The following SDK1 variants were observed in gnomAD, a reference collection of about 807,000 sequenced individuals.
SDK1 encodes the protein sidekick cell adhesion molecule 1.
In SDK1, 157 loss-of-function variants were observed where a neutral mutation model predicts 245.5. The observed-to-expected ratio is 0.64, with a 90% confidence interval of 0.56 to 0.73. The LOEUF is 0.73. Ranked by LOEUF, SDK1 falls within the 30% of genes least tolerant of loss-of-function variation. The probability of loss-of-function intolerance (pLI) is 0.00; values close to 1 mark genes in which losing one functional copy is unlikely to be tolerated. For synonymous variants in SDK1, 1,647 were observed against 1,278.5 expected (o/e 1.29, Z -6.15); for missense variants, 3,583 against 3,002.3 (o/e 1.19, Z -4.52).
At chr7:3,470,371 C>G (rs116406167) in intron 1 of SDK1, among the ~76,000 whole-genome samples, 1 of 152,116 alleles carries the variant, frequency 6.6e-6, no homozygotes, top group African/African-American at 2.4e-5. Flanking sequence ...ACGTGTACAA[C>G]TATTTAAAGA....
intron 4 of SDK1, among the ~76,000 whole-genome samples, chr7:3,785,637 C>T (rs1044667635): frequency 6.6e-6 from 1 of 151,992 alleles, no homozygotes; most frequent in African/African-American, 2.4e-5. Context: ...TAACTGTCTA[C>T]TGGATGGAAA....
intron 1 of SDK1, among the ~76,000 whole-genome samples, chr7:3,314,666 T>C (rs747873069): frequency 7.9e-5 from 12 of 152,230 alleles, no homozygotes; most frequent in Admixed American, 2.0e-4. Context: ...GCCATCTGCA[T>C]CTCTAACTTT....
intron 44 of SDK1, among the ~76,000 whole-genome samples, chr7:4,264,578 GAGT>G (rs1214197505): frequency 1.3e-4 from 17 of 130,610 alleles, no homozygotes; most frequent in African/African-American, 4.6e-4. Context: ...GACCTCTCCT[GAGT>G]GGGGAGGCCG....
At chr7:4,003,679 G>A (rs1200455225) in intron 14 of SDK1, among the ~76,000 whole-genome samples, 1 of 152,248 alleles carries the variant, frequency 6.6e-6, no homozygotes, top group African/African-American at 2.4e-5. Context: ...CATCACTGCT[G>A]ATGCTTGCTA....
In SDK1 at chr7:3,346,666, CTT is replaced by C. The variant is rs11311845; in HGVS notation, c.298+44794_298+44795del. The stretch of plus-strand genomic sequence containing the variant: ...CCCCCACACCTGGCTAATTTAGTTT[CTT>C]TTTTTTTTTTTGGTGTGTGTGTGTA... On this transcript the variant is annotated intron_variant, in intron 1 of 44. Transcript: ENST00000404826. 2.7e-3 allele frequency among the ~76,000 whole-genome samples: 335 copies of C among 123,774 alleles called. 4 individuals carry two copies. The highest frequency in any genetic ancestry group is 8.1e-3 in the African/African-American group (264 of 32,608). 81.2% of individuals were successfully genotyped at this position (123,774 alleles called of 152,430 possible).
intron 4 of SDK1, among the ~76,000 whole-genome samples, chr7:3,679,101 T>A (rs1332390025): frequency 1.3e-5 from 2 of 152,130 alleles, no homozygotes; most frequent in African/African-American, 4.8e-5. Flanking sequence ...CAAAATAAAT[T>A]GAATTTGATC....
intron 4 of SDK1, among the ~76,000 whole-genome samples, chr7:3,732,750 C>G (rs1164259476): frequency 1.3e-5 from 2 of 152,202 alleles, no homozygotes; most frequent in Non-Finnish European, 2.9e-5. Context: ...AACTTTAATT[C>G]AAGATGCCAT....
intron 1 of SDK1, among the ~76,000 whole-genome samples, chr7:3,505,445 C>T (rs936533907): frequency 1.3e-5 from 2 of 152,116 alleles, no homozygotes. Flanking sequence ...GGGATGGGGT[C>T]TCACTCTGTT....
At chr7:3,921,168 C>T (rs1397782956) in intron 5 of SDK1, among the ~76,000 whole-genome samples, 1 of 152,144 alleles carries the variant, frequency 6.6e-6, no homozygotes, top group Admixed American at 6.5e-5. Flanking sequence ...AGACATGTGG[C>T]TATGAACATT....
intron 4 of SDK1, among the ~76,000 whole-genome samples, chr7:3,783,121 A>T (rs1468328504): frequency 1.3e-5 from 2 of 152,262 alleles, no homozygotes; most frequent in Non-Finnish European, 2.9e-5. Context: ...GACAAAAGCC[A>T]TGTGCTCATT....
chr7:4,207,732 C>T (rs775882115), intron 36 of SDK1, among the ~76,000 whole-genome samples: 9 of 152,244 alleles, frequency 5.9e-5, no homozygotes, highest in Admixed American at 3.3e-4. Context: ...AAAATCAAAA[C>T]ACCAACAGAG....
intron 1 of SDK1, among the ~76,000 whole-genome samples, chr7:3,544,777 G>GC (rs1332245705): frequency 6.6e-6 from 1 of 152,152 alleles, no homozygotes; most frequent in Non-Finnish European, 1.5e-5. Context: ...AATCTCAGTG[G>GC]CTTAAAGCAA....
chr7:4,085,523 C>T (rs1411050195), intron 22 of SDK1, among the ~76,000 whole-genome samples: 1 of 152,058 alleles, frequency 6.6e-6, no homozygotes, highest in Non-Finnish European at 1.5e-5. Context: ...CAATTTTTAG[C>T]ACTGACTTTC....
intron 4 of SDK1, among the ~76,000 whole-genome samples, chr7:3,707,093 G>C (rs1465822954): frequency 6.6e-6 from 1 of 151,972 alleles, no homozygotes; most frequent in Non-Finnish European, 1.5e-5. Context: ...TCTTCTGCTA[G>C]CTTTGGGTTT....
chr7:3,850,237 A>G (rs1469406301), intron 5 of SDK1, among the ~76,000 whole-genome samples: 2 of 152,230 alleles, frequency 1.3e-5, no homozygotes, highest in East Asian at 1.9e-4. Flanking sequence ...TCTTCTCTGC[A>G]TCCAATCCTC....
intron 5 of SDK1, among the ~76,000 whole-genome samples, chr7:3,895,624 C>A (rs1158243722): frequency 6.7e-6 from 1 of 148,872 alleles, no homozygotes; most frequent in African/African-American, 2.5e-5. Flanking sequence ...ACTCCGCTGT[C>A]CTGAGGCTTC....
intron 25 of SDK1, among the ~76,000 whole-genome samples, chr7:4,123,358 G>A (rs1784188631): frequency 6.6e-6 from 1 of 151,926 alleles, no homozygotes; most frequent in African/African-American, 2.4e-5. Flanking sequence ...GCCCCCTTTA[G>A]CTCATAGTTG....
At chr7:3,944,533 G>A (rs1409740741) in intron 5 of SDK1, among the ~76,000 whole-genome samples, 1 of 152,140 alleles carries the variant, frequency 6.6e-6, no homozygotes, top group Non-Finnish European at 1.5e-5. Context: ...TTTGATGAGT[G>A]TTTATTATAT....
chr7:3,497,459 A>G (rs966027804), intron 1 of SDK1, among the ~76,000 whole-genome samples: 13 of 152,294 alleles, frequency 8.5e-5, no homozygotes, highest in East Asian at 1.9e-4. Context: ...TGAAAGTGCT[A>G]TGTGTAGCTT....
Sources: gnomAD v4.1 joint callset for allele counts (sites outside exome capture counted in the v4.1 genomes callset) on GRCh38, gnomAD v4.1.1 for gene constraint, MANE v1.5 for transcripts, NCBI Gene and HGNC (gene_info 2026-07-23, HGNC 2026-07-21) for gene names.